STRIP2: variants seen among roughly 807,000 people sequenced by gnomAD.
STRIP2 encodes the protein striatin-interacting protein 2.
In STRIP2, 84 loss-of-function variants were observed where a neutral mutation model predicts 107.1. The ratio of observed to expected loss-of-function variants is 0.78; its 90% CI spans 0.66 to 0.94. The LOEUF (loss-of-function observed/expected upper bound fraction) is 0.94. STRIP2 is among the 40% of genes least tolerant of loss of function. STRIP2 has a pLI of 0.00. For missense variants in STRIP2, 888 were observed against 1,034.2 expected, an observed-to-expected ratio of 0.86 and a Z score of 1.94; for synonymous variants, 394 against 400.4, an observed-to-expected ratio of 0.98 and a Z score of 0.19.
At chr7:129,475,855 A>G (rs1030107097) in intron 18 of STRIP2, among the ~76,000 whole-genome samples, 1 of 152,164 alleles carries the variant, frequency 6.6e-6, no homozygotes, top group Non-Finnish European at 1.5e-5. Context: ...GACACAGCAC[A>G]TGTTTCAGAG....
At chr7:129,479,359 C>A (rs1799057631) in intron 18 of STRIP2, among the ~76,000 whole-genome samples, 1 of 151,972 alleles carries the variant, frequency 6.6e-6, no homozygotes, top group Non-Finnish European at 1.5e-5. Context: ...CTATTTGGGG[C>A]AAGCCAGACT....
Position 129,434,443 on chromosome 7 carries a change from G to T in STRIP2, c.-30G>T. 1 of 1,472,000 alleles carries T rather than the reference G, an allele frequency of 6.8e-7. No homozygotes were observed. Among genetic ancestry groups the T allele is most frequent in the South Asian group, 1.3e-5 (1 of 77,268 alleles). The allele number at this position is 1,472,000 out of a possible 1,614,324, so 91.2% of individuals were successfully genotyped here. On this transcript the variant is annotated 5_prime_UTR_variant, in exon 1 of 21. Coordinates refer to ENST00000249344, the MANE Select transcript of STRIP2 (RefSeq NM_020704.3). ...AGGGTCGCCTCCGGCAAAGCGAGCT[G>T]AACCCTGAGGGGAGCCGCTGACCAG...
intron 18 of STRIP2, among the ~76,000 whole-genome samples, chr7:129,480,457 C>G (rs1016404418): frequency 1.4e-4 from 22 of 152,098 alleles, no homozygotes; most frequent in African/African-American, 5.1e-4. Flanking sequence ...CGCAAAGTAC[C>G]TGTATATGGG....
intron 12 of STRIP2, 80 bp downstream of exon 12, chr7:129,459,660 TG>T: frequency 8.2e-7 from 1 of 1,223,626 alleles, no homozygotes; most frequent in Non-Finnish European, 1.2e-6. Context: ...GGATACTGGG[TG>T]GGGCTTTTAT....
At chr7:129,480,400 C>T (rs1799087010) in intron 18 of STRIP2, among the ~76,000 whole-genome samples, 1 of 152,164 alleles carries the variant, frequency 6.6e-6, no homozygotes, top group Admixed American at 6.5e-5. Flanking sequence ...TTAAAATCTA[C>T]CAGAATTAGA....
At chr7:129,475,847 C>A in intron 18 of STRIP2, among the ~76,000 whole-genome samples, 1 of 152,146 alleles carries the variant, frequency 6.6e-6, no homozygotes, top group East Asian at 1.9e-4. Context: ...CCTGAGTGGA[C>A]ACAGCACATG....
At position 129,451,697 on chromosome 7, in the gene STRIP2, G is replaced by A. The variant is rs767595156; in HGVS notation, c.359G>A (p.Ser120Asn). ...CTCTTGGACCGGCTAGAGGTGGTCA[G>A]TAGGGAACGGCGGCTGAAGGTGGCC... is the stretch of plus-strand genomic sequence containing the variant. ...MGLLDRLEVV[S>N]RERRLKVARA... The change falls in exon 4 of 21, where the codon AGT becomes AAT. Residue 120 changes from serine to asparagine, a missense_variant. Coordinates refer to ENST00000249344, the MANE Select transcript of STRIP2 (RefSeq NM_020704.3). 12 of 1,614,062 alleles carry A rather than the reference G, an allele frequency of 7.4e-6. No homozygotes were observed. In the East Asian group the frequency reaches 2.2e-4, roughly 30 times the overall value.
At chr7:129,477,913 A>G (rs757195648) in intron 18 of STRIP2, 38 of 517,622 alleles carry the variant, frequency 7.3e-5, no homozygotes, top group Non-Finnish European at 1.1e-4. Context: ...AAAAATTTAT[A>G]GACAAGAAGT....
chr7:129,454,073 G>A, intron 5 of STRIP2, 69 bp from the exon 6 acceptor site: 1 of 1,440,392 alleles, frequency 6.9e-7, no homozygotes, highest in Admixed American at 1.7e-5. Context: ...ATTTGTGTGA[G>A]TGATAAGTAA....
intron 7 of STRIP2, 26 bp downstream of exon 7, chr7:129,454,553 G>A (rs1798290359): frequency 6.9e-7 from 1 of 1,448,530 alleles, no homozygotes; most frequent in African/African-American, 1.4e-5. Flanking sequence ...TGAGGAAGGT[G>A]TGGATGGGGT....
intron 9 of STRIP2, 102 bp downstream of exon 9, chr7:129,456,744 C>A: frequency 8.7e-7 from 1 of 1,142,882 alleles, no homozygotes; most frequent in African/African-American, 1.5e-5. Context: ...AATGACCCGG[C>A]TCATCCTGCC....
At chr7:129,479,875 A>G (rs922380334) in intron 18 of STRIP2, among the ~76,000 whole-genome samples, 4 of 152,194 alleles carry the variant, frequency 2.6e-5, no homozygotes, top group African/African-American at 9.7e-5. Context: ...AATACCCTCA[A>G]AAACTTTGGA....
intron 16 of STRIP2, among the ~76,000 whole-genome samples, chr7:129,466,128 T>C (rs563078697): frequency 6.6e-5 from 10 of 152,268 alleles, no homozygotes; most frequent in African/African-American, 2.2e-4. Context: ...GATGTGTGTT[T>C]ACTTCTGCTT....
chr7:129,434,782 C>G (rs115852717), intron 1 of STRIP2, among the ~76,000 whole-genome samples, 181 bp downstream of exon 1: 1 of 152,260 alleles, frequency 6.6e-6, no homozygotes, highest in Non-Finnish European at 1.5e-5. Flanking sequence ...AGTGTCCGCC[C>G]GTCTCCTGCC....
chr7:129,477,215 A>G (rs1257158588), intron 18 of STRIP2, among the ~76,000 whole-genome samples: 1 of 107,538 alleles, frequency 9.3e-6, no homozygotes, highest in African/African-American at 4.1e-5. Context: ...GGGGAGGGGG[A>G]GGGAGACTGT....
Position 129,458,724 on chromosome 7 carries a change from T to C in STRIP2, c.1287T>C (p.Ile429=), listed in dbSNP as rs549571804. 1.2e-6 allele frequency: 2 copies of C among 1,614,180 alleles called. No homozygotes were observed. The highest frequency in any genetic ancestry group is 2.2e-5 in the East Asian group (1 of 44,880). Residue 429 remains isoleucine (I), a synonymous_variant, in exon 11 of 21, where the codon ATT becomes ATC. Coordinates refer to ENST00000249344, the MANE Select transcript of STRIP2 (RefSeq NM_020704.3). The surrounding 1 kb of genome is among the most constrained non-coding windows in gnomAD (Gnocchi z 4.6). The stretch of plus-strand genomic sequence containing the variant: ...ACCATCCTCTCAGACAGAAGGACAT[T>C]GAGCACTTCTTGGAGATGAGCAGGA... ...PWAPKVRQKD[I]EHFLEMSRNK...
chr7:129,447,566 G>T (rs1798070531), intron 3 of STRIP2, among the ~76,000 whole-genome samples: 1 of 152,324 alleles, frequency 6.6e-6, no homozygotes, highest in South Asian at 2.1e-4. Flanking sequence ...GAAGCAAAAA[G>T]CGATCAAGGT....
At chr7:129,465,838 C>A (rs573397278) in intron 16 of STRIP2, among the ~76,000 whole-genome samples, 121 of 152,276 alleles carry the variant, frequency 7.9e-4, no homozygotes, top group Non-Finnish European at 1.4e-3. Context: ...CATTTTTGCC[C>A]AGAGGCTCTA....
At chr7:129,454,095 GA>G in intron 5 of STRIP2, 46 bp from the exon 6 acceptor site, 1 of 1,554,136 alleles carries the variant, frequency 6.4e-7, no homozygotes, top group Non-Finnish European at 8.9e-7. Flanking sequence ...AGCACAGAGA[GA>G]AAAGAAGTCT....
Sources: allele counts gnomAD v4.1 joint callset (sites outside exome capture counted in the v4.1 genomes callset), GRCh38; gene constraint gnomAD v4.1.1; non-coding constraint Gnocchi (gnomAD v3.1); transcripts MANE v1.5; gene names NCBI Gene and HGNC (gene_info 2026-07-23, HGNC 2026-07-21).